The following TRABD2A variants were observed in gnomAD, a reference collection of about 807,000 sequenced individuals.
TRABD2A encodes the protein metalloprotease TIKI1.
In TRABD2A, 43 loss-of-function variants were observed where a neutral mutation model predicts 45.6. The ratio of observed to expected loss-of-function variants is 0.94; its 90% CI spans 0.74 to 1.22. The LOEUF (loss-of-function observed/expected upper bound fraction) is 1.22, where lower values mean the gene tolerates loss of function less well. Among genes scored for constraint, TRABD2A ranks in the 50% most tolerant of loss-of-function variants. TRABD2A has a pLI of 0.00. For missense variants in TRABD2A, 642 were observed against 652.4 expected (o/e 0.98, Z 0.17); for synonymous variants, 269 against 265.0 (o/e 1.02, Z -0.15).
chr2:84,869,707 C>A (rs1246400584), intron 2 of TRABD2A, among the ~76,000 whole-genome samples: 1 of 152,198 alleles, frequency 6.6e-6, no homozygotes, highest in African/African-American at 2.4e-5. Context: ...GGGCCAGGCA[C>A]AGTGGCTCAC....
In TRABD2A at chr2:84,830,661, C is replaced by G. The variant is rs969706740; in HGVS notation, c.1082+1394G>C. 1.3e-5 allele frequency among the ~76,000 whole-genome samples: 2 copies of G among 152,108 alleles called. No homozygotes were observed. The highest frequency in any genetic ancestry group is 1.3e-4 in the Admixed American group (2 of 15,278). ...AGTCTCACATCAGCGCTTCTGTAAACTAGAAAGTGCTCTGTGAAGGGCGGT... is the reference window on the plus strand; with the variant it reads ...AGTCTCACATCAGCGCTTCTGTAAAGTAGAAAGTGCTCTGTGAAGGGCGGT... On this transcript the variant is annotated intron_variant, in intron 5 of 6. Transcript: ENST00000409520. This position sits in a 1 kb window ranked among gnomAD's most constrained non-coding sequence, Gnocchi z 4.9.
At chr2:84,878,655 C>T (rs575863637) in intron 1 of TRABD2A, among the ~76,000 whole-genome samples, 1 of 152,124 alleles carries the variant, frequency 6.6e-6, no homozygotes, top group East Asian at 1.9e-4. Flanking sequence ...AATTTGGGCT[C>T]AGAAGACCTC....
At chr2:84,848,333 G>GATACATAGATAC (rs879305835) in intron 2 of TRABD2A, among the ~76,000 whole-genome samples, 3 of 54,210 alleles carry the variant, frequency 5.5e-5, no homozygotes, top group Non-Finnish European at 1.1e-4. Flanking sequence ...AAAAATGATA[G>GATACATAGATAC]ATAGATAGAT....
chr2:84,857,216 T>A (rs1241783445), intron 2 of TRABD2A, among the ~76,000 whole-genome samples: 4 of 152,200 alleles, frequency 2.6e-5, no homozygotes, highest in African/African-American at 7.2e-5. Context: ...TCCCACACAA[T>A]GCTGGGGCAA....
intron 5 of TRABD2A, among the ~76,000 whole-genome samples, chr2:84,826,293 C>T (rs1009581495): frequency 5.3e-5 from 8 of 152,138 alleles, no homozygotes. Context: ...AAGACCTCAC[C>T]CCAGAAACTC....
At chr2:84,839,082 C>T (rs1681616940) in intron 4 of TRABD2A, 67 bp downstream of exon 4, 3 of 1,580,250 alleles carry the variant, frequency 1.9e-6, no homozygotes, top group Non-Finnish European at 2.6e-6. Flanking sequence ...AGGGGCTCAC[C>T]TCAACATTCC....
Position 84,858,804 on chromosome 2 carries a change from G to A in TRABD2A, c.669+11421C>T, listed in dbSNP as rs1356642228. On this transcript the variant is annotated intron_variant, in intron 2 of 6. Transcript: ENST00000409520. ...CTGCTTTACACACTGAAGGTCCTGG[G>A]TTCAAACTCCAGTGGAACCATGGGG... 2.6e-5 allele frequency among the ~76,000 whole-genome samples: 4 copies of A among 152,286 alleles called. No individual in the cohort carries two copies. In the South Asian group the frequency reaches 8.3e-4, roughly 32 times the overall value.
intron 2 of TRABD2A, among the ~76,000 whole-genome samples, chr2:84,847,615 A>AG (rs1230920751): frequency 6.6e-6 from 1 of 152,208 alleles, no homozygotes; most frequent in African/African-American, 2.4e-5. Context: ...AGAAAGGCAA[A>AG]GGAGCAGGCA....
intron 2 of TRABD2A, among the ~76,000 whole-genome samples, chr2:84,847,850 G>A (rs1329449185): frequency 6.6e-6 from 1 of 152,178 alleles, no homozygotes. Flanking sequence ...AAGTGTTGAC[G>A]AGGTCATGCT....
intron 5 of TRABD2A, among the ~76,000 whole-genome samples, chr2:84,825,204 G>A (rs1297936043): frequency 1.3e-5 from 2 of 152,168 alleles, no homozygotes; most frequent in Non-Finnish European, 2.9e-5. Flanking sequence ...CAATGATGTA[G>A]GTGCCACTGA....
chr2:84,868,728 T>C (rs1033443134), intron 2 of TRABD2A, among the ~76,000 whole-genome samples: 5 of 152,230 alleles, frequency 3.3e-5, no homozygotes, highest in Admixed American at 1.3e-4. Flanking sequence ...AAAGATACCT[T>C]GCTTGAGCTA....
At chr2:84,825,898 TCTAA>T (rs746521922) in intron 5 of TRABD2A, among the ~76,000 whole-genome samples, 7 of 152,038 alleles carry the variant, frequency 4.6e-5, no homozygotes, top group African/African-American at 7.2e-5. Flanking sequence ...CTTATGAGAA[TCTAA>T]CTAATACCTG....
chr2:84,831,301 T>A (rs1681329408), intron 5 of TRABD2A, among the ~76,000 whole-genome samples: 2 of 152,160 alleles, frequency 1.3e-5, no homozygotes, highest in African/African-American at 4.8e-5. Context: ...TCTGGGACTT[T>A]CAGCCTCCAG....
intron 5 of TRABD2A, among the ~76,000 whole-genome samples, chr2:84,828,917 TAGAG>T (rs1164542434): frequency 6.6e-6 from 1 of 151,994 alleles, no homozygotes; most frequent in Admixed American, 6.6e-5. Context: ...CAGATTCTGA[TAGAG>T]AGAACTGGGG....
chr2:84,839,130 G>C lies in TRABD2A; in HGVS notation c.991+19C>G. The stretch of plus-strand genomic sequence containing the variant: ...AGCCTCAGATTTCAGAGGCTAATCA[G>C]AGGTGACCCACTACTCACCAGCTCC... On this transcript the variant is annotated intron_variant, in intron 4 of 6. Coordinates refer to ENST00000409520, the MANE Select transcript of TRABD2A (RefSeq NM_001277053.2). The C allele has an allele frequency of 6.2e-7, 1 of 1,613,276 alleles. No homozygotes were observed. The highest frequency in any genetic ancestry group is 1.3e-5 in the African/African-American group (1 of 74,968).
At chr2:84,878,402 G>A (rs1057330840) in intron 1 of TRABD2A, among the ~76,000 whole-genome samples, 2 of 151,994 alleles carry the variant, frequency 1.3e-5, no homozygotes, top group African/African-American at 4.8e-5. Flanking sequence ...GTGGGCGCCT[G>A]TAATCCCAGC....
chr2:84,835,417 C>A (rs889026116), intron 4 of TRABD2A: 1 of 144,220 alleles, frequency 6.9e-6, no homozygotes, highest in African/African-American at 2.5e-5. Context: ...CAGTGAGAGC[C>A]TTTTTTTTTT....
At chr2:84,861,996 G>A (rs1003606055) in intron 2 of TRABD2A, among the ~76,000 whole-genome samples, 7 of 152,208 alleles carry the variant, frequency 4.6e-5, no homozygotes, top group African/African-American at 1.7e-4. Context: ...AAAGTGTCAG[G>A]AGGGACAGAG....
chr2:84,838,365 C>A, intron 4 of TRABD2A: 1 of 628,682 alleles, frequency 1.6e-6, no homozygotes. Flanking sequence ...TAATTAATTT[C>A]CAGAGCTGTG....
Sources: gnomAD v4.1 joint callset for allele counts (sites outside exome capture counted in the v4.1 genomes callset) on GRCh38, gnomAD v4.1.1 for gene constraint, Gnocchi (gnomAD v3.1) non-coding constraint, MANE v1.5 for transcripts, NCBI Gene and HGNC (gene_info 2026-07-23, HGNC 2026-07-21) for gene names.